The following LPIN2 variants were observed in gnomAD, a reference collection of about 807,000 sequenced individuals.
LPIN2 encodes the protein lipin 2.
LPIN2 carries 55 observed loss-of-function variants against 111.4 expected under a neutral mutation model. That is an observed-to-expected ratio of 0.49 (90% CI 0.40 to 0.62). The LOEUF is 0.62. Ranked by LOEUF, LPIN2 falls within the 20% of genes least tolerant of loss-of-function variation. The pLI is 0.00. For missense variants in LPIN2, 992 were observed against 1,112.1 expected (o/e 0.89, Z 1.54); for synonymous variants, 425 against 414.0 (o/e 1.03, Z -0.32).
intron 17 of LPIN2, 43 bp from the exon 18 acceptor site, chr18:2,921,690 C>A: frequency 7.1e-7 from 1 of 1,417,424 alleles, no homozygotes; most frequent in South Asian, 1.2e-5. Flanking sequence ...TCAAAATGGT[C>A]GTTTTCCCCA....
At chr18:2,998,892 C>G (rs650787) in intron 1 of LPIN2, among the ~76,000 whole-genome samples, 139,188 of 152,270 alleles carry the variant, frequency 0.91, 64,442 homozygotes, top group East Asian at 1. Flanking sequence ...TAGAAACAAA[C>G]CAAGAGTGAA....
chr18:2,974,456 A>G lies in LPIN2; in HGVS notation c.-9-13607T>C, dbSNP rs557728005. On this transcript the variant is annotated intron_variant, in intron 1 of 19. Coordinates refer to ENST00000677752, the MANE Select transcript of LPIN2 (RefSeq NM_001375808.2). ...ATTAGAGAAATCCTTCCTTTGTAAAATAACGTAACTGTTTTTTAAGTTTGG... is the reference window on the plus strand; with the variant it reads ...ATTAGAGAAATCCTTCCTTTGTAAAGTAACGTAACTGTTTTTTAAGTTTGG... Among the ~76,000 whole-genome samples the G allele has an allele frequency of 1.1e-4, 16 of 152,350 alleles. No homozygotes were observed. The East Asian group carries it at 3.1e-3, about 29-fold the overall frequency.
intron 18 of LPIN2, chr18:2,921,240 G>A (rs543290506): frequency 8.8e-5 from 49 of 555,054 alleles, no homozygotes; most frequent in Middle Eastern, 4.9e-4. Context: ...ATCCAAGGAC[G>A]CAGCTCAGAA....
chr18:3,000,088 GAAGAGGGGA>G (rs1204362579), intron 1 of LPIN2, among the ~76,000 whole-genome samples: 2 of 144,068 alleles, frequency 1.4e-5, no homozygotes, highest in African/African-American at 2.6e-5. Context: ...GGAGAAGGAG[GAAGAGGGGA>G]AAGAGGGGAA....
chr18:3,000,414 TAAAG>T (rs1455789142), intron 1 of LPIN2, among the ~76,000 whole-genome samples: 1 of 152,318 alleles, frequency 6.6e-6, no homozygotes, highest in Non-Finnish European at 1.5e-5. Flanking sequence ...GCTCAAAGGA[TAAAG>T]AAACACCTGC....
intron 19 of LPIN2, 126 bp downstream of exon 19, chr18:2,920,652 G>A: frequency 1.2e-6 from 1 of 809,542 alleles, no homozygotes; most frequent in Non-Finnish European, 2.1e-6. Context: ...ACCCACAGAG[G>A]AGATGTAGCT....
chr18:2,980,776 A>C (rs1163101847), intron 1 of LPIN2, among the ~76,000 whole-genome samples: 1 of 152,202 alleles, frequency 6.6e-6, no homozygotes. Context: ...CTCTCTAACA[A>C]GAATGGTCAG....
At chr18:2,929,404 T>C (rs186301721) in intron 9 of LPIN2, among the ~76,000 whole-genome samples, 1 of 152,160 alleles carries the variant, frequency 6.6e-6, no homozygotes, top group East Asian at 1.9e-4. Context: ...AAAAGGGACA[T>C]GACAGAGACT....
At position 2,963,020 on chromosome 18, in the gene LPIN2, A is replaced by G. The variant is rs182711348; in HGVS notation, c.-9-2171T>C. Among the ~76,000 whole-genome samples, 31 of 152,366 alleles carry G rather than the reference A, an allele frequency of 2.0e-4. No individual in the cohort carries two copies. The East Asian group carries it at 5.8e-3, about 28-fold the overall frequency. On this transcript the variant is annotated intron_variant, in intron 1 of 19. Transcript: ENST00000677752. The stretch of plus-strand genomic sequence containing the variant: ...TACCATGGTTAAGGGATGTGCTGTT[A>G]TATGGGAAAACCTAATGTGTAAATG...
At chr18:2,997,096 T>C (rs2078357327) in intron 1 of LPIN2, among the ~76,000 whole-genome samples, 1 of 151,470 alleles carries the variant, frequency 6.6e-6, no homozygotes, top group South Asian at 2.1e-4. Context: ...ATTCTCCTGC[T>C]TCAGCCTCCC....
chr18:2,954,268 G>C (rs1173132857), intron 3 of LPIN2, among the ~76,000 whole-genome samples: 1 of 152,220 alleles, frequency 6.6e-6, no homozygotes, highest in African/African-American at 2.4e-5. Flanking sequence ...TAGAAAAAGT[G>C]CAAGTATGTG....
intron 1 of LPIN2, among the ~76,000 whole-genome samples, chr18:2,997,563 A>G (rs1021004865): frequency 6.6e-6 from 1 of 152,216 alleles, no homozygotes; most frequent in Non-Finnish European, 1.5e-5. Context: ...AATGAAACCA[A>G]GACAGTGCCC....
chr18:2,950,317 C>T (rs905463353), intron 4 of LPIN2: 1 of 152,108 alleles, frequency 6.6e-6, no homozygotes, highest in Non-Finnish European at 1.5e-5. Context: ...GACCTCTTTT[C>T]GACAGATGGG....
chr18:2,935,249 A>G lies in LPIN2; in HGVS notation c.1169-799T>C, dbSNP rs112162958. ...ATTGGCTTAGATGAAATATATCACTAAACTTAATTTCACCTTATTTTACTT... is the reference window on the plus strand; with the variant it reads ...ATTGGCTTAGATGAAATATATCACTGAACTTAATTTCACCTTATTTTACTT... On this transcript the variant is annotated intron_variant, in intron 7 of 19. Coordinates refer to ENST00000677752, the MANE Select transcript of LPIN2 (RefSeq NM_001375808.2). Among the ~76,000 whole-genome samples, 310 of 152,328 alleles carry G rather than the reference A, an allele frequency of 2.0e-3. 1 individual carries two copies. Among genetic ancestry groups the G allele is most frequent in the African/African-American group, 7.3e-3 (303 of 41,568 alleles).
intron 1 of LPIN2, among the ~76,000 whole-genome samples, chr18:3,000,093 G>A (rs190435841): frequency 1.4e-5 from 2 of 137,956 alleles, no homozygotes; most frequent in East Asian, 4.4e-4. Flanking sequence ...AGGAGGAAGA[G>A]GGGAAAGAGG....
chr18:2,960,102 G>A (rs1361747625), intron 2 of LPIN2, among the ~76,000 whole-genome samples: 1 of 151,848 alleles, frequency 6.6e-6, no homozygotes, highest in African/African-American at 2.4e-5. Context: ...CCTGGGAGGC[G>A]GAGGTTGCAG....
At chr18:3,009,936 C>G (rs1168738694) in intron 1 of LPIN2, among the ~76,000 whole-genome samples, 1 of 152,030 alleles carries the variant, frequency 6.6e-6, no homozygotes, top group Non-Finnish European at 1.5e-5. Flanking sequence ...CACAGTTTAC[C>G]TCCCAACAGA....
intron 1 of LPIN2, among the ~76,000 whole-genome samples, chr18:2,983,794 GT>G (rs879257107): frequency 3.1e-3 from 462 of 149,960 alleles, no homozygotes; most frequent in Non-Finnish European, 3.1e-3. Flanking sequence ...CTTTTACCTA[GT>G]TTTTTTTTTC....
chr18:2,960,672 C>A lies in LPIN2; in HGVS notation c.169G>T (p.Val57Phe). The A allele has an allele frequency of 1.2e-6, 2 of 1,614,054 alleles. No homozygotes were observed. Among genetic ancestry groups the A allele is most frequent in the Non-Finnish European group, 1.7e-6 (2 of 1,180,010 alleles). The change falls in exon 2 of 20, where the codon GTC (valine) becomes TTC (phenylalanine). Residue 57 changes from valine (V) to phenylalanine (F), a missense_variant. By Grantham distance (50) the Val-to-Phe change is conservative. Coordinates refer to ENST00000677752, the MANE Select transcript of LPIN2 (RefSeq NM_001375808.2). Reference sequence around the variant, plus strand: ...ACCACTTTCTCTTTGGATCTCAGGACTCCCAGCTTTCCAAACCGAACGTGA... The same window carrying A: ...ACCACTTTCTCTTTGGATCTCAGGAATCCCAGCTTTCCAAACCGAACGTGA... ...PFHVRFGKLG[V>F]LRSKEKVIDI...
Sources: gnomAD v4.1 joint callset for allele counts (sites outside exome capture counted in the v4.1 genomes callset) on GRCh38, gnomAD v4.1.1 for gene constraint, MANE v1.5 for transcripts, NCBI Gene and HGNC (gene_info 2026-07-23, HGNC 2026-07-21) for gene names.